The following THSD7B variants were observed in gnomAD, a reference collection of about 807,000 sequenced individuals.
THSD7B encodes the protein thrombospondin type-1 domain-containing protein 7B.
THSD7B carries 138 observed loss-of-function variants against 213.6 expected under a neutral mutation model. The ratio of observed to expected loss-of-function variants is 0.65; its 90% CI spans 0.56 to 0.74. The LOEUF (loss-of-function observed/expected upper bound fraction) is 0.74, where lower values mean the gene tolerates loss of function less well. Ranked by LOEUF, THSD7B falls within the 30% of genes least tolerant of loss-of-function variation. The pLI is 0.00. For missense variants in THSD7B, 1,931 were observed against 1,991.5 expected (o/e 0.97, Z 0.58); for synonymous variants, 742 against 687.0 (o/e 1.08, Z -1.25).
intron 1 of THSD7B, among the ~76,000 whole-genome samples, chr2:136,860,280 C>G (rs1350958757): frequency 6.6e-6 from 1 of 152,074 alleles, no homozygotes; most frequent in African/African-American, 2.4e-5. Flanking sequence ...CCTTGGTCTT[C>G]TTCTCTATCC....
chr2:137,172,759 A>G (rs1224017919), intron 7 of THSD7B, among the ~76,000 whole-genome samples: 1 of 152,212 alleles, frequency 6.6e-6, no homozygotes, highest in African/African-American at 2.4e-5. Context: ...TGAGACGGGC[A>G]TCTGAAGTGA....
intron 15 of THSD7B, among the ~76,000 whole-genome samples, chr2:137,509,409 C>T (rs182449792): frequency 2.4e-4 from 36 of 150,314 alleles, no homozygotes; most frequent in African/African-American, 7.8e-4. Flanking sequence ...TTTATTTATT[C>T]ACATTAAAAT....
intron 12 of THSD7B, among the ~76,000 whole-genome samples, chr2:137,360,385 G>C (rs1402587470): frequency 6.6e-6 from 1 of 152,150 alleles, no homozygotes; most frequent in Admixed American, 6.5e-5. Context: ...GCACCCTACG[G>C]AGGGTGAGCT....
chr2:137,181,502 A>G (rs1680455133), intron 7 of THSD7B, among the ~76,000 whole-genome samples: 1 of 152,212 alleles, frequency 6.6e-6, no homozygotes, highest in East Asian at 1.9e-4. Flanking sequence ...ATGTTGGCCT[A>G]ACATTAGAAT....
chr2:137,064,409 C>T (rs1232916538), intron 3 of THSD7B, among the ~76,000 whole-genome samples: 1 of 151,886 alleles, frequency 6.6e-6, no homozygotes, highest in African/African-American at 2.4e-5. Context: ...GGTTATTAAT[C>T]CCTTGTTAGA....
chr2:137,121,687 G>C (rs921543303), intron 5 of THSD7B, among the ~76,000 whole-genome samples: 1 of 152,146 alleles, frequency 6.6e-6, no homozygotes, highest in South Asian at 2.1e-4. Flanking sequence ...TCATTTGGCT[G>C]TAAAGGCCCT....
intron 16 of THSD7B, among the ~76,000 whole-genome samples, chr2:137,568,473 A>C (rs1018015623): frequency 1.3e-5 from 2 of 152,156 alleles, no homozygotes; most frequent in Non-Finnish European, 2.9e-5. Flanking sequence ...CCTAACAGCC[A>C]GTGTATTAGT....
intron 9 of THSD7B, among the ~76,000 whole-genome samples, chr2:137,237,393 A>G (rs1332042027): frequency 6.6e-6 from 1 of 152,202 alleles, no homozygotes; most frequent in Non-Finnish European, 1.5e-5. Context: ...AGCTGGAGAA[A>G]TAAGTCTAAT....
intron 1 of THSD7B, among the ~76,000 whole-genome samples, chr2:136,853,207 C>G (rs1204163356): frequency 6.6e-6 from 1 of 152,062 alleles, no homozygotes; most frequent in Non-Finnish European, 1.5e-5. Flanking sequence ...TGACCTCACT[C>G]AAATTTCCCC....
intron 17 of THSD7B, among the ~76,000 whole-genome samples, chr2:137,591,653 A>G (rs1681868243): frequency 6.6e-6 from 1 of 151,968 alleles, no homozygotes; most frequent in Non-Finnish European, 1.5e-5. Context: ...GTCATAAACC[A>G]ATCGAAAAGT....
At chr2:137,645,162 G>T (rs1052586512) in intron 21 of THSD7B, among the ~76,000 whole-genome samples, 3 of 152,158 alleles carry the variant, frequency 2.0e-5, no homozygotes, top group Admixed American at 6.5e-5. Flanking sequence ...CTATTTCGCT[G>T]GTTATGTGGG....
chr2:137,556,398 A>C (rs1030044720), intron 15 of THSD7B, among the ~76,000 whole-genome samples: 3 of 152,166 alleles, frequency 2.0e-5, no homozygotes, highest in African/African-American at 7.2e-5. Flanking sequence ...CAACATTCTT[A>C]AAGAAAAGAA....
At chr2:137,028,491 T>C (rs72985563) in intron 2 of THSD7B, among the ~76,000 whole-genome samples, 2,897 of 152,328 alleles carry the variant, frequency 0.019, 85 homozygotes, top group African/African-American at 0.067. Context: ...TGCCATACTA[T>C]AGGCAACACA....
At chr2:137,430,562 A>G (rs568426971) in intron 14 of THSD7B, among the ~76,000 whole-genome samples, 2 of 152,322 alleles carry the variant, frequency 1.3e-5, no homozygotes, top group African/African-American at 4.8e-5. Context: ...CTGAGGGTGG[A>G]AGAAACTCAG....
intron 15 of THSD7B, among the ~76,000 whole-genome samples, chr2:137,498,200 A>G (rs1170414125): frequency 6.6e-6 from 1 of 152,212 alleles, no homozygotes; most frequent in East Asian, 1.9e-4. Context: ...TGTATCTTCT[A>G]TTTCTCTTCA....
At chr2:137,103,890 T>G in intron 4 of THSD7B, among the ~76,000 whole-genome samples, 1 of 152,138 alleles carries the variant, frequency 6.6e-6, no homozygotes, top group East Asian at 1.9e-4. Context: ...ATAAACCAAG[T>G]ACTTAGAGAC....
At chr2:136,781,429 T>A (rs1360367275) in intron 1 of THSD7B, among the ~76,000 whole-genome samples, 1 of 145,366 alleles carries the variant, frequency 6.9e-6, no homozygotes, top group Non-Finnish European at 1.5e-5. Context: ...CATGCCCGGC[T>A]AATTTTTTTT....
chr2:137,145,654 A>T (rs1374617101), intron 5 of THSD7B, among the ~76,000 whole-genome samples: 1 of 152,068 alleles, frequency 6.6e-6, no homozygotes, highest in Non-Finnish European at 1.5e-5. Flanking sequence ...TGTGGGCTTC[A>T]TCGATTTGAA....
chr2:137,573,996 G>A (rs1681409819), intron 17 of THSD7B, among the ~76,000 whole-genome samples: 1 of 152,026 alleles, frequency 6.6e-6, no homozygotes. Flanking sequence ...TGAGTATTAT[G>A]TTTATATTTT....
Sources: allele counts gnomAD v4.1 joint callset (sites outside exome capture counted in the v4.1 genomes callset), GRCh38; gene constraint gnomAD v4.1.1; transcripts MANE v1.5; gene names NCBI Gene and HGNC (gene_info 2026-07-23, HGNC 2026-07-21).